Variants in AIFM1 observed in about 807,000 individuals in gnomAD.
AIFM1 encodes the protein apoptosis inducing factor mitochondria associated 1, also known as apoptosis-inducing factor 1, mitochondrial.
AIFM1 carries 3 observed loss-of-function variants against 51.7 expected under a neutral mutation model. That is an observed-to-expected ratio of 0.06 (90% CI 0.03 to 0.15). The LOEUF (loss-of-function observed/expected upper bound fraction) is 0.15, where lower values mean the gene tolerates loss of function less well. Ranked by LOEUF, AIFM1 falls within the 10% of genes least tolerant of loss-of-function variation. AIFM1 has a pLI of 1.00. For missense variants in AIFM1, 330 were observed against 476.8 expected (o/e 0.69, Z 2.87); for synonymous variants, 178 against 179.4 (o/e 0.99, Z 0.06).
At chrX:130,150,576 C>G (rs2030931866) in intron 2 of AIFM1, among the ~76,000 whole-genome samples, 1 of 105,645 alleles carries the variant, frequency 9.5e-6, no homozygotes, top group African/African-American at 3.4e-5. Flanking sequence ...ACCTCGTGAT[C>G]TGCCCGCCTC....
chrX:130,129,760 C>A, intron 15 of AIFM1, 132 bp from the exon 16 acceptor site: 7 of 761,904 alleles, frequency 9.2e-6, no homozygotes, highest in Non-Finnish European at 1.4e-5. Context: ...TCTCTACTAA[C>A]CCCAAACAAG....
At chrX:130,135,962 A>G in intron 12 of AIFM1, 83 bp downstream of exon 12, 2 of 1,160,426 alleles carry the variant, frequency 1.7e-6, no homozygotes, top group East Asian at 3.0e-5. Flanking sequence ...TAGGCTGTTG[A>G]TGAGCTTTAG....
rs370518593 is a variant in AIFM1, at chrX:130,133,299, C to G, written c.1448+14G>C. 3.6e-5 allele frequency: 43 copies of G among 1,208,165 alleles called. No homozygotes were observed. The highest frequency in any genetic ancestry group is 4.7e-5 in the Non-Finnish European group (42 of 894,576). On this transcript the variant is annotated intron_variant, in intron 13 of 15. Transcript: ENST00000287295. ...GTTGTAATCAGTTGGGTCTCCAAGG[C>G]ACACCACTATTACCAGAACATTGAC...
At chrX:130,149,929 C>T (rs1021304281) in intron 2 of AIFM1, among the ~76,000 whole-genome samples, 1 of 111,920 alleles carries the variant, frequency 8.9e-6, no homozygotes, top group Non-Finnish European at 1.9e-5. Context: ...AGCACAGAAA[C>T]GGGGTTTGGA....
In AIFM1 at chrX:130,134,062, C is replaced by A. The variant is rs1467242923; in HGVS notation, c.1306-607G>T. Reference sequence around the variant, plus strand: ...ACAAGCCTGGCCAATATGGTGAAACCCCATCTCTACTAAAAATACAAAAAA... The same window carrying A: ...ACAAGCCTGGCCAATATGGTGAAACACCATCTCTACTAAAAATACAAAAAA... On this transcript the variant is annotated intron_variant, in intron 12 of 15. Coordinates refer to ENST00000287295, the MANE Select transcript of AIFM1 (RefSeq NM_004208.4). Among the ~76,000 whole-genome samples the A allele has an allele frequency of 2.2e-4, 24 of 109,849 alleles. No homozygotes were observed. In the Admixed American group the frequency reaches 2.3e-3, roughly 11 times the overall value.
At chrX:130,151,387 C>T (rs2030973783) in intron 2 of AIFM1, among the ~76,000 whole-genome samples, 1 of 111,139 alleles carries the variant, frequency 9.0e-6, no homozygotes, top group African/African-American at 3.3e-5. Flanking sequence ...GATCCACCCA[C>T]CTTGGCCTCC....
At chrX:130,152,746 A>G (rs1485357713) in intron 2 of AIFM1, among the ~76,000 whole-genome samples, 1 of 111,944 alleles carries the variant, frequency 8.9e-6, no homozygotes, top group Non-Finnish European at 1.9e-5. Context: ...AAACTCTCAC[A>G]TCAATGCGAA....
At chrX:130,153,988 T>A (rs1029488101) in intron 2 of AIFM1, among the ~76,000 whole-genome samples, 1 of 112,544 alleles carries the variant, frequency 8.9e-6, no homozygotes, top group Non-Finnish European at 1.9e-5. Context: ...ATAGTTCTCT[T>A]GAGACTAATA....
chrX:130,164,906 T>C (rs1025919674), intron 1 of AIFM1, among the ~76,000 whole-genome samples: 3 of 110,869 alleles, frequency 2.7e-5, no homozygotes, highest in African/African-American at 6.6e-5. Context: ...GCTCTAAAAT[T>C]TGATGAAACA....
In AIFM1 at chrX:130,130,097, G is replaced by A. The variant is rs750418813; in HGVS notation, c.1643C>T (p.Pro548Leu). The A allele has an allele frequency of 2.5e-5, 30 of 1,209,901 alleles. No individual in the cohort carries two copies. The highest frequency in any genetic ancestry group is 5.9e-5 in the East Asian group (2 of 33,793). ...ASEITIPPSTPAVPQAPVQGE... is the reference protein window; with the variant it reads ...ASEITIPPSTLAVPQAPVQGE... ...CTGGACGGGAGCCTGTGGAACTGCC[G>A]GGGTGCTGGGAGGAATAGTAATTTC... Residue 548 changes from proline (P) to leucine (L), a missense_variant, in exon 15 of 16, where the codon CCG becomes CTG. Pro to Leu is a moderately conservative substitution (Grantham distance 98). This residue lies in a region of AIFM1 where 56 missense variants were observed against 48.8 expected (regional missense o/e 1.15). Transcript: ENST00000287295.
At chrX:130,150,522 A>T (rs1336200216) in intron 2 of AIFM1, among the ~76,000 whole-genome samples, 1 of 101,933 alleles carries the variant, frequency 9.8e-6, no homozygotes, top group Non-Finnish European at 2.0e-5. Flanking sequence ...TTTTTAGTAG[A>T]GACGGGGTTT....
In AIFM1 at chrX:130,147,597, C is replaced by T. The variant is rs1569420348; in HGVS notation, c.501G>A (p.Glu167=). 1 of 1,212,081 alleles carries T rather than the reference C, an allele frequency of 8.3e-7. No homozygotes were observed. ...ARVLIVSEDP[E]LPYMRPPLSK... is the part of the protein sequence containing the mutation. ...AAAGAGGAGGTCGCATGTACGGCAG[C>T]TCAGGATCTTCAGATACAATCAGTA... The change falls in exon 5 of 16, where the codon GAG becomes GAA. Residue 167 remains glutamate, a synonymous_variant. Transcript: ENST00000287295.
intron 14 of AIFM1, among the ~76,000 whole-genome samples, chrX:130,130,583 T>A (rs887494554): frequency 1.8e-5 from 2 of 112,490 alleles, no homozygotes; most frequent in Admixed American, 1.9e-4. Context: ...TCAAACTGAG[T>A]AAGATGTAAA....
At chrX:130,154,402 C>A (rs943216987) in intron 2 of AIFM1, among the ~76,000 whole-genome samples, 1 of 112,088 alleles carries the variant, frequency 8.9e-6, no homozygotes, top group African/African-American at 3.2e-5. Flanking sequence ...GGCTTTAAAT[C>A]TATTTTTGAA....
intron 6 of AIFM1, among the ~76,000 whole-genome samples, chrX:130,141,065 G>A (rs1209886415): frequency 2.7e-5 from 3 of 112,217 alleles, no homozygotes; most frequent in Admixed American, 1.9e-4. Context: ...GCAGTGAGCC[G>A]AGATCATGCC....
chrX:130,137,312 C>A, intron 9 of AIFM1, 127 bp from the exon 10 acceptor site: 6 of 1,182,016 alleles, frequency 5.1e-6, no homozygotes, highest in South Asian at 3.7e-5. Context: ...CCAGGCCGAG[C>A]GCCCACTTAC....
chrX:130,145,690 C>T, intron 5 of AIFM1, 121 bp from the exon 6 acceptor site: 1 of 542,637 alleles, frequency 1.8e-6, no homozygotes, highest in East Asian at 3.8e-5. Flanking sequence ...CAAAGTAAGT[C>T]TCCAAGTCTA....
intron 11 of AIFM1, 125 bp downstream of exon 11, chrX:130,136,518 T>G: frequency 1.5e-6 from 1 of 646,118 alleles, no homozygotes; most frequent in South Asian, 2.3e-5. Flanking sequence ...ATTCGGAAAA[T>G]TATATCAGGT....
chrX:130,133,406 A>G lies in AIFM1; in HGVS notation c.1355T>C (p.Val452Ala), dbSNP rs1356446773. Residue 452 changes from valine (V) to alanine (A), a missense_variant, in exon 13 of 16, where the codon GTA (valine) becomes GCA (alanine). Physicochemically the swap from Val to Ala is moderately conservative, Grantham distance 64 (BLOSUM62 0). This residue lies in a region of AIFM1 where 152 missense variants were observed against 292.8 expected (regional missense o/e 0.52). Transcript: ENST00000287295. ...CACAACAGCGTGATCATGGTGCTCT[A>G]CCCGCCTCCTTCCCAACTTTATATC... The part of the protein sequence containing the change: ...FYDIKLGRRR[V>A]EHHDHAVVSG... 2 of 1,207,236 alleles carry G rather than the reference A, an allele frequency of 1.7e-6. No homozygotes were observed. The highest frequency in any genetic ancestry group is 2.2e-6 in the Non-Finnish European group (2 of 894,551).
Sources: gnomAD v4.1 joint callset for allele counts (sites outside exome capture counted in the v4.1 genomes callset) on GRCh38, gnomAD v4.1.1 for gene constraint, gnomAD v4.1.1 regional missense constraint, MANE v1.5 for transcripts, NCBI Gene and HGNC (gene_info 2026-07-23, HGNC 2026-07-21) for gene names.